Variants in ELAVL1 observed in about 807,000 individuals in gnomAD.
ELAVL1 encodes the protein ELAV like RNA binding protein 1.
ELAVL1 carries 1 observed loss-of-function variant against 28.4 expected under a neutral mutation model. The observed-to-expected ratio is 0.04, with a 90% CI of 0.01 to 0.17. The LOEUF (loss-of-function observed/expected upper bound fraction) is 0.17. ELAVL1 is among the 10% of genes least tolerant of loss of function. The pLI is 1.00. For missense variants in ELAVL1, 157 were observed against 447.2 expected (o/e 0.35, Z 5.85); for synonymous variants, 174 against 183.5 (o/e 0.95, Z 0.42).
At chr19:7,998,731 C>T (rs1447974521) in intron 1 of ELAVL1, among the ~76,000 whole-genome samples, 1 of 152,132 alleles carries the variant, frequency 6.6e-6, no homozygotes. Flanking sequence ...GATCCTCCTA[C>T]TTTGGCCTCC....
Position 7,962,132 on chromosome 19 carries a change from T to C in ELAVL1, c.*1351A>G, listed in dbSNP as rs2145196752. 1 of 153,770 alleles carries C rather than the reference T, an allele frequency of 6.5e-6. No homozygotes were observed. Among genetic ancestry groups the C allele is most frequent in the East Asian group, 1.9e-4 (1 of 5,184 alleles). The allele number at this position is 153,770 out of a possible 1,614,324, so 9.5% of individuals were successfully genotyped here. ...GCCACCAGCCTGTAACTGCACATTC[T>C]TGCGTCACAGATTCAGAAATGCTTT... On this transcript the variant is annotated 3_prime_UTR_variant, in exon 6 of 6. Transcript: ENST00000407627.
At chr19:8,005,185 C>T (rs2081082872) in intron 1 of ELAVL1, among the ~76,000 whole-genome samples, 1 of 152,028 alleles carries the variant, frequency 6.6e-6, no homozygotes, top group African/African-American at 2.4e-5. Flanking sequence ...GCCCCCGGAG[C>T]CCGGGCTTCC....
At chr19:7,970,355 C>T (rs1416482600) in intron 4 of ELAVL1, among the ~76,000 whole-genome samples, 2 of 152,230 alleles carry the variant, frequency 1.3e-5, no homozygotes, top group African/African-American at 4.8e-5. Context: ...CGGGGTTTCA[C>T]CATGTTGGCC....
chr19:7,965,025 C>T (rs1281886325), intron 5 of ELAVL1, among the ~76,000 whole-genome samples: 1 of 152,246 alleles, frequency 6.6e-6, no homozygotes, highest in African/African-American at 2.4e-5. Flanking sequence ...CGCTGTTAAA[C>T]AGATTCACCC....
At chr19:7,983,460 G>C (rs1391565830) in intron 2 of ELAVL1, among the ~76,000 whole-genome samples, 2 of 152,176 alleles carry the variant, frequency 1.3e-5, no homozygotes, top group African/African-American at 4.8e-5. Context: ...CCACGGGAGG[G>C]ACTCGGGATG....
rs1240399597 is a variant in ELAVL1 at position 7,959,327 on chromosome 19, T to C, written c.*4156A>G. 1.3e-5 allele frequency: 2 copies of C among 152,506 alleles called. No homozygotes were observed. Among genetic ancestry groups the C allele is most frequent in the Non-Finnish European group, 1.5e-5 (1 of 68,036 alleles). The allele number at this position is 152,506 out of a possible 1,614,324, so 9.4% of individuals were successfully genotyped here. On this transcript the variant is annotated 3_prime_UTR_variant, in exon 6 of 6. Transcript: ENST00000407627. ...ATCAATAACTTAAAACACACTAATA[T>C]ACAAAAGGTCTAACCATCTACTGTA... is the stretch of plus-strand genomic sequence containing the variant.
intron 5 of ELAVL1, among the ~76,000 whole-genome samples, chr19:7,964,470 C>T (rs912503359): frequency 2.0e-5 from 3 of 152,206 alleles, no homozygotes; most frequent in South Asian, 4.1e-4. Flanking sequence ...ACACCAGCAA[C>T]GGCAGGCTCA....
At chr19:7,998,429 A>G (rs987922904) in intron 1 of ELAVL1, among the ~76,000 whole-genome samples, 4 of 152,188 alleles carry the variant, frequency 2.6e-5, no homozygotes, top group African/African-American at 7.2e-5. Flanking sequence ...CATGCCATTA[A>G]TAAGTGGCAG....
In ELAVL1 at chr19:7,982,834, C is replaced by T. The variant is rs1985498577; in HGVS notation, c.173-1648G>A. 6.6e-6 allele frequency among the ~76,000 whole-genome samples: 1 copy of T among 152,212 alleles called. No individual in the cohort carries two copies. Among genetic ancestry groups the T allele is most frequent in the South Asian group, 2.1e-4 (1 of 4,824 alleles). Reference sequence around the variant, plus strand: ...CTCGTGACTGTGACGGTTTTGAGGACTGGTCGGACATCCCGTAGACTCTCG... The same window carrying T: ...CTCGTGACTGTGACGGTTTTGAGGATTGGTCGGACATCCCGTAGACTCTCG... On this transcript the variant is annotated intron_variant, in intron 2 of 5. Coordinates refer to ENST00000407627, the MANE Select transcript of ELAVL1 (RefSeq NM_001419.3). The surrounding 1 kb of genome is among the most constrained non-coding windows in gnomAD (Gnocchi z 4.3).
At chr19:8,003,370 A>AG (rs1024887399) in intron 1 of ELAVL1, among the ~76,000 whole-genome samples, 14 of 126,834 alleles carry the variant, frequency 1.1e-4, no homozygotes, top group Non-Finnish European at 1.9e-4. Flanking sequence ...AAAAAAAAAA[A>AG]AAAAGAAAAA....
chr19:8,002,460 C>T (rs1016403609), intron 1 of ELAVL1, among the ~76,000 whole-genome samples: 25 of 152,312 alleles, frequency 1.6e-4, no homozygotes, highest in African/African-American at 6.0e-4. Context: ...GAGAGTCGTT[C>T]AGAGGAGGGA....
intron 5 of ELAVL1, among the ~76,000 whole-genome samples, chr19:7,965,823 A>C (rs1230079409): frequency 2.0e-5 from 3 of 152,134 alleles, no homozygotes; most frequent in Non-Finnish European, 2.9e-5. Flanking sequence ...CAAGAGCAGG[A>C]CCGACTGTAT....
intron 3 of ELAVL1, among the ~76,000 whole-genome samples, chr19:7,976,085 C>A (rs537329892): frequency 6.8e-6 from 1 of 147,040 alleles, no homozygotes; most frequent in Non-Finnish European, 1.5e-5. Context: ...TGAGTGAGGT[C>A]CTGTCTTTAA....
At position 7,979,257 on chromosome 19, in the gene ELAVL1, G is replaced by A. The variant is rs780442710; in HGVS notation, c.276+1826C>T. ...GACTCTGCCGGCAGAGGGCAGGGCC[G>A]CCGAAGGTGAGGCAGGCTTCTGCAT... On this transcript the variant is annotated intron_variant, in intron 3 of 5. Coordinates refer to ENST00000407627, the MANE Select transcript of ELAVL1 (RefSeq NM_001419.3). This position sits in a 1 kb window ranked among gnomAD's most constrained non-coding sequence, Gnocchi z 5.4. 2.6e-5 allele frequency among the ~76,000 whole-genome samples: 4 copies of A among 152,184 alleles called. No homozygotes were observed. The highest frequency in any genetic ancestry group is 4.4e-5 in the Non-Finnish European group (3 of 68,018).
chr19:7,969,327 G>C (rs1985039191), intron 4 of ELAVL1, among the ~76,000 whole-genome samples: 1 of 152,200 alleles, frequency 6.6e-6, no homozygotes. Context: ...TGGGTGACCT[G>C]TCCAGCGGGC....
intron 2 of ELAVL1, among the ~76,000 whole-genome samples, chr19:7,985,856 T>G (rs1985588049): frequency 1.3e-5 from 2 of 152,188 alleles, no homozygotes; most frequent in Admixed American, 6.5e-5. Flanking sequence ...CTCCTCACCC[T>G]TTCTGGCCAC....
intron 3 of ELAVL1, among the ~76,000 whole-genome samples, chr19:7,980,567 T>C (rs1466209036): frequency 3.9e-5 from 6 of 152,158 alleles, no homozygotes; most frequent in Admixed American, 1.3e-4. Flanking sequence ...TGCTGCACAG[T>C]TGGCTTCCTC....
At chr19:8,002,683 G>C (rs2145232433) in intron 1 of ELAVL1, among the ~76,000 whole-genome samples, 1 of 152,382 alleles carries the variant, frequency 6.6e-6, no homozygotes, top group East Asian at 1.9e-4. Flanking sequence ...TGGAGGAAGA[G>C]TGGCAGTCAG....
chr19:8,004,952 C>T (rs184724055), intron 1 of ELAVL1, among the ~76,000 whole-genome samples: 1 of 152,016 alleles, frequency 6.6e-6, no homozygotes, highest in East Asian at 1.9e-4. Context: ...TTAGAGATGG[C>T]GCTCAAAAAA....
Sources: allele counts gnomAD v4.1 joint callset (sites outside exome capture counted in the v4.1 genomes callset), GRCh38; gene constraint gnomAD v4.1.1; non-coding constraint Gnocchi (gnomAD v3.1); transcripts MANE v1.5; gene names NCBI Gene and HGNC (gene_info 2026-07-23, HGNC 2026-07-21).